ADGRL2: variants seen among roughly 807,000 people sequenced by gnomAD.
ADGRL2 encodes calcium-independent alpha-latrotoxin receptor 2.
A neutral mutation model predicts 157.4 loss-of-function variants in ADGRL2; 44 were observed. That is an observed-to-expected ratio of 0.28 (90% CI 0.22 to 0.36). The LOEUF is 0.36. ADGRL2 is among the 10% of genes least tolerant of loss of function. The pLI, the probability that ADGRL2 is intolerant of heterozygous loss-of-function variation, is 1.00. For missense variants in ADGRL2, 1,510 were observed against 1,768.9 expected, an observed-to-expected ratio of 0.85 and a Z score of 2.63; for synonymous variants, 585 against 624.7, an observed-to-expected ratio of 0.94 and a Z score of 0.95.
chr1:81,679,483 G>A (rs372446916), intron 3 of ADGRL2, among the ~76,000 whole-genome samples: 24 of 151,914 alleles, frequency 1.6e-4, no homozygotes, highest in African/African-American at 5.6e-4. Context: ...TACTAGCCTC[G>A]GTTTCCCTAT....
At position 81,679,407 on chromosome 1, in the gene ADGRL2, G is replaced by GAAA. The variant is rs56271921; in HGVS notation, c.-142-82394_-142-82392dup. The stretch of plus-strand genomic sequence containing the variant: ...TTCCAGCTTCTCTGGATGGTAGTAA[G>GAAA]AAAAAAAAAAAACAGGATTCTTTTA... On this transcript the variant is annotated intron_variant, in intron 3 of 24. Transcript: ENST00000370721. Among the ~76,000 whole-genome samples the GAAA allele has an allele frequency of 9.7e-4, 142 of 146,620 alleles. 1 individual carries two copies. The highest frequency in any genetic ancestry group is 3.4e-3 in the Middle Eastern group (1 of 290).
chr1:81,480,206 T>C (rs189882413), intron 2 of ADGRL2, among the ~76,000 whole-genome samples: 131 of 152,302 alleles, frequency 8.6e-4, no homozygotes, highest in African/African-American at 3.1e-3. Context: ...ATTATTACCA[T>C]TTTCCTTGGC....
intron 2 of ADGRL2, among the ~76,000 whole-genome samples, chr1:81,464,303 C>A (rs1032943771): frequency 1.3e-5 from 2 of 152,030 alleles, no homozygotes; most frequent in African/African-American, 4.8e-5. Context: ...GCAATTTGTA[C>A]ACGCACTCCA....
intron 3 of ADGRL2, among the ~76,000 whole-genome samples, chr1:81,683,793 C>T (rs145867792): frequency 1.3e-5 from 2 of 151,804 alleles, no homozygotes; most frequent in East Asian, 1.9e-4. Flanking sequence ...CACGCTTGTG[C>T]AAGTGTCTTT....
intron 3 of ADGRL2, among the ~76,000 whole-genome samples, chr1:81,594,702 A>C (rs577008011): frequency 5.5e-4 from 84 of 152,348 alleles, no homozygotes; most frequent in Admixed American, 1.4e-3. Flanking sequence ...ACAATGTAAA[A>C]ATCCATTTAA....
intron 23 of ADGRL2, among the ~76,000 whole-genome samples, chr1:81,989,458 C>A: frequency 6.6e-6 from 1 of 152,118 alleles, no homozygotes; most frequent in East Asian, 1.9e-4. Context: ...AAACTTTGAC[C>A]ACTAGAAGCC....
intron 2 of ADGRL2, among the ~76,000 whole-genome samples, chr1:81,863,938 G>A (rs1329072046): frequency 6.6e-6 from 1 of 152,104 alleles, no homozygotes; most frequent in Non-Finnish European, 1.5e-5. Context: ...GCAATTTTAA[G>A]TGTTTATTGG....
intron 2 of ADGRL2, among the ~76,000 whole-genome samples, chr1:81,519,416 A>G (rs1476538894): frequency 6.6e-6 from 1 of 152,204 alleles, no homozygotes; most frequent in Non-Finnish European, 1.5e-5. Flanking sequence ...CCCAGTAATT[A>G]TACTTCTAGG....
At chr1:81,538,826 A>C (rs1250178849) in intron 2 of ADGRL2, among the ~76,000 whole-genome samples, 1 of 152,034 alleles carries the variant, frequency 6.6e-6, no homozygotes, top group Admixed American at 6.6e-5. Context: ...GCAACATGAC[A>C]AAAACCTGCC....
chr1:81,763,448 G>A (rs2085973008), intron 2 of ADGRL2, among the ~76,000 whole-genome samples: 1 of 151,776 alleles, frequency 6.6e-6, no homozygotes, highest in Non-Finnish European at 1.5e-5. Flanking sequence ...AGCTAGCTGG[G>A]TATGGTGGTG....
At chr1:81,527,433 C>T (rs1202754031) in intron 2 of ADGRL2, among the ~76,000 whole-genome samples, 2 of 152,114 alleles carry the variant, frequency 1.3e-5, no homozygotes, top group Admixed American at 1.3e-4. Context: ...CGGTCGAAGT[C>T]GAGCACGGTG....
chr1:81,314,162 C>A (rs55643509), intron 1 of ADGRL2, among the ~76,000 whole-genome samples: 1 of 152,110 alleles, frequency 6.6e-6, no homozygotes, highest in South Asian at 2.1e-4. Context: ...CTGTTTGGTG[C>A]GGTTCTGACA....
intron 1 of ADGRL2, among the ~76,000 whole-genome samples, chr1:81,702,385 C>T (rs368182222): frequency 1.3e-5 from 2 of 152,202 alleles, no homozygotes; most frequent in East Asian, 3.9e-4. Flanking sequence ...AATAAAAACA[C>T]TCATACATAC....
chr1:81,896,242 G>A (rs1304358533), intron 2 of ADGRL2, among the ~76,000 whole-genome samples: 3 of 152,224 alleles, frequency 2.0e-5, no homozygotes, highest in South Asian at 2.1e-4. Flanking sequence ...AGGACAATGC[G>A]AATGACTTCA....
At chr1:81,756,514 A>G (rs2085695823) in intron 1 of ADGRL2, among the ~76,000 whole-genome samples, 1 of 152,172 alleles carries the variant, frequency 6.6e-6, no homozygotes, top group South Asian at 2.1e-4. Context: ...ATAAGTGGGT[A>G]GATGTGAGGG....
Position 81,735,789 on chromosome 1 carries a change from CA to C in ADGRL2, c.-142-26011del, listed in dbSNP as rs1166671136. On this transcript the variant is annotated intron_variant, in intron 1 of 20. Coordinates refer to the ADGRL2 transcript ENST00000359929. The stretch of plus-strand genomic sequence containing the variant: ...TGGGTGACAGAGTGAGACTCCATCT[CA>C]AAAAAAAAAAGGTGTAAGTAAACTT... Among the ~76,000 whole-genome samples, 255 of 135,540 alleles carry C rather than the reference CA, an allele frequency of 1.9e-3. 1 individual carries two copies. The highest frequency in any genetic ancestry group is 4.3e-3 in the African/African-American group (157 of 36,830). 88.9% of individuals were successfully genotyped at this position (135,540 alleles called of 152,430 possible).
intron 3 of ADGRL2, chr1:81,596,125 G>A (rs528249316): frequency 6.2e-5 from 25 of 400,572 alleles, no homozygotes; most frequent in Non-Finnish European, 1.1e-4. Context: ...TTAACAACTG[G>A]TAATCAATTT....
At chr1:81,418,346 G>A (rs928088985) in intron 1 of ADGRL2, among the ~76,000 whole-genome samples, 3 of 152,198 alleles carry the variant, frequency 2.0e-5, no homozygotes, top group African/African-American at 4.8e-5. Context: ...CCACTTTTCT[G>A]TGGTGGCATT....
intron 1 of ADGRL2, among the ~76,000 whole-genome samples, chr1:81,444,581 C>T (rs1461260149): frequency 6.6e-6 from 1 of 152,256 alleles, no homozygotes; most frequent in Admixed American, 6.5e-5. Context: ...TATCACTAAA[C>T]CAGAAAGAAA....
Sources: allele counts gnomAD v4.1 joint callset (sites outside exome capture counted in the v4.1 genomes callset), GRCh38; gene constraint gnomAD v4.1.1; transcripts MANE v1.5; gene names NCBI Gene and HGNC (gene_info 2026-07-23, HGNC 2026-07-21).